The following RARB variants were observed in gnomAD, a reference collection of about 807,000 sequenced individuals.
The protein encoded by RARB is retinoic acid receptor beta.
Under a neutral mutation model 51.9 loss-of-function variants are expected in RARB, and 17 were observed. The observed-to-expected ratio is 0.33, with a 90% confidence interval of 0.22 to 0.49. The LOEUF is 0.49. RARB is among the 20% of genes least tolerant of loss of function. RARB has a pLI of 0.99. For synonymous variants in RARB, 215 were observed against 195.4 expected, an observed-to-expected ratio of 1.10 and a Z score of -0.84; for missense variants, 369 against 550.8, an observed-to-expected ratio of 0.67 and a Z score of 3.30.
chr3:25,368,265 G>A (rs139844256), intron 5 of RARB, among the ~76,000 whole-genome samples: 10 of 152,140 alleles, frequency 6.6e-5, no homozygotes, highest in South Asian at 2.1e-4. Flanking sequence ...GAAATATGAA[G>A]GTCTGGGAAT....
At chr3:25,131,531 C>T (rs1225284681) in intron 3 of RARB, among the ~76,000 whole-genome samples, 1 of 151,946 alleles carries the variant, frequency 6.6e-6, no homozygotes, top group Admixed American at 6.6e-5. Flanking sequence ...CTTCAACATA[C>T]CAGATGAATT....
At chr3:25,398,688 C>T (rs186690471) in intron 5 of RARB, among the ~76,000 whole-genome samples, 26 of 152,294 alleles carry the variant, frequency 1.7e-4, no homozygotes, top group African/African-American at 5.8e-4. Context: ...GTTCCAGAAG[C>T]TTAAGTCCTT....
chr3:25,071,359 C>A (rs920494425), intron 3 of RARB, among the ~76,000 whole-genome samples: 1 of 152,156 alleles, frequency 6.6e-6, no homozygotes, highest in Non-Finnish European at 1.5e-5. Flanking sequence ...TGCCATGATA[C>A]TTTGGATTTA....
Position 24,964,495 on chromosome 3 carries a change from A to G in RARB, c.-379-95630A>G, listed in dbSNP as rs182929201. Among the ~76,000 whole-genome samples the G allele has an allele frequency of 2.6e-4, 40 of 152,270 alleles. 1 individual carries two copies. In the East Asian group the frequency reaches 6.4e-3, roughly 24 times the overall value. On this transcript the variant is annotated intron_variant, in intron 2 of 11. Transcript: ENST00000383772. ...TTATCAACCCACCACTCTCCATTTT[A>G]TATTCTAACCCTTTTAACATTCAGA...
chr3:25,095,609 T>C lies in RARB; in HGVS notation c.-328+35433T>C, dbSNP rs561899333. Among the ~76,000 whole-genome samples, 156 of 152,226 alleles carry C rather than the reference T, an allele frequency of 1.0e-3. No homozygotes were observed. The South Asian group carries it at 0.016, about 15-fold the overall frequency. ...AAATATATTTAAACTCAAATGACAG[T>C]ACAAGGCATTCAGATTTGTATTGAA... is the stretch of plus-strand genomic sequence containing the variant. On this transcript the variant is annotated intron_variant, in intron 3 of 11. Coordinates refer to the RARB transcript ENST00000383772.
At chr3:25,400,882 TATAAA>T (rs1707245358) in intron 5 of RARB, among the ~76,000 whole-genome samples, 2 of 151,418 alleles carry the variant, frequency 1.3e-5, no homozygotes, top group Admixed American at 1.3e-4. Context: ...AAAATATAAA[TATAAA>T]ATAAAACTAA....
intron 5 of RARB, among the ~76,000 whole-genome samples, chr3:25,355,783 A>T (rs1041045004): frequency 6.6e-6 from 1 of 152,126 alleles, no homozygotes; most frequent in African/African-American, 2.4e-5. Context: ...GAATCACAAG[A>T]TCCATTTTAG....
In RARB at chr3:25,057,085, CAA is replaced by C. The variant is rs535850406; in HGVS notation, c.-379-3038_-379-3037del. On this transcript the variant is annotated intron_variant, in intron 2 of 11. Transcript: ENST00000383772. ...ATCATCCATAATCAGGTAGATAACT[CAA>C]AGTCTGAGCTTTCAGTCTTGAAGCT... Among the ~76,000 whole-genome samples, 59 of 152,186 alleles carry C rather than the reference CAA, an allele frequency of 3.9e-4. No individual in the cohort carries two copies. The East Asian group carries it at 8.9e-3, about 23-fold the overall frequency.
At chr3:25,021,881 AC>A (rs1431924494) in intron 2 of RARB, among the ~76,000 whole-genome samples, 3 of 152,282 alleles carry the variant, frequency 2.0e-5, no homozygotes, top group African/African-American at 7.2e-5. Flanking sequence ...GCTCTGAATT[AC>A]TGAGGCAGAT....
At chr3:25,588,500 A>G (rs1046799380) in intron 5 of RARB, among the ~76,000 whole-genome samples, 4 of 152,180 alleles carry the variant, frequency 2.6e-5, no homozygotes, top group African/African-American at 9.7e-5. Flanking sequence ...CATGTGTGCT[A>G]TATTCATTAT....
At chr3:25,401,265 C>T (rs1357131145) in intron 5 of RARB, among the ~76,000 whole-genome samples, 2 of 152,072 alleles carry the variant, frequency 1.3e-5, no homozygotes, top group Non-Finnish European at 2.9e-5. Flanking sequence ...TCAGCTGAGC[C>T]CTTGATTCAA....
rs143760120 is a variant in RARB at position 25,276,602 on chromosome 3, T to C, written c.178+102027T>C. Among the ~76,000 whole-genome samples the C allele has an allele frequency of 2.6e-3, 398 of 152,300 alleles. 1 individual carries two copies. Among genetic ancestry groups the C allele is most frequent in the Non-Finnish European group, 4.2e-3 (284 of 68,018 alleles). On this transcript the variant is annotated intron_variant, in intron 5 of 11. Coordinates refer to the RARB transcript ENST00000383772. ...ACCATCAACTGTGACTTGTAAAAGT[T>C]TTGAAAGAAAGAAAGGATGTTAAAA...
At chr3:25,451,999 G>A (rs1709214518) in intron 1 of RARB, among the ~76,000 whole-genome samples, 1 of 152,138 alleles carries the variant, frequency 6.6e-6, no homozygotes, top group Non-Finnish European at 1.5e-5. Flanking sequence ...ACTCTTCAGG[G>A]GACCTCAATA....
intron 5 of RARB, among the ~76,000 whole-genome samples, chr3:25,414,843 C>T (rs1345813663): frequency 6.6e-6 from 1 of 152,076 alleles, no homozygotes; most frequent in African/African-American, 2.4e-5. Context: ...CTGATATATG[C>T]TTTGCACAAT....
intron 3 of RARB, among the ~76,000 whole-genome samples, chr3:25,113,080 A>C (rs1180938560): frequency 6.6e-6 from 1 of 152,064 alleles, no homozygotes; most frequent in Non-Finnish European, 1.5e-5. Context: ...TCACATTATA[A>C]AGTTATCTGT....
In RARB at chr3:25,294,915, C is replaced by G. The variant is rs1389417976; in HGVS notation, c.178+120340C>G. On this transcript the variant is annotated intron_variant, in intron 5 of 11. Transcript: ENST00000383772. ...TGCTCTGGTCTTTATCACAGGGTAT[C>G]GAGGTGTATACACAGATAATAGTGC... Among the ~76,000 whole-genome samples the G allele has an allele frequency of 2.0e-5, 3 of 152,132 alleles. No individual in the cohort carries two copies. In the East Asian group the frequency reaches 5.8e-4, roughly 29 times the overall value.
chr3:24,842,008 C>A (rs1702426696), intron 1 of RARB, among the ~76,000 whole-genome samples: 1 of 152,036 alleles, frequency 6.6e-6, no homozygotes, highest in Non-Finnish European at 1.5e-5. Context: ...TTAATTGATG[C>A]AGTCTATTTA....
chr3:25,251,147 G>A (rs1253665696), intron 5 of RARB, among the ~76,000 whole-genome samples: 2 of 151,930 alleles, frequency 1.3e-5, no homozygotes, highest in Non-Finnish European at 2.9e-5. Flanking sequence ...TTCTTGACTG[G>A]CTTCTTTAAC....
At chr3:25,401,848 T>C (rs907964158) in intron 5 of RARB, among the ~76,000 whole-genome samples, 16 of 152,140 alleles carry the variant, frequency 1.1e-4, no homozygotes, top group African/African-American at 3.9e-4. Context: ...ATGATCTAGG[T>C]TCACTACAAC....
Sources: allele counts gnomAD v4.1 joint callset (sites outside exome capture counted in the v4.1 genomes callset), GRCh38; gene constraint gnomAD v4.1.1; transcripts MANE v1.5; gene names NCBI Gene and HGNC (gene_info 2026-07-23, HGNC 2026-07-21).